CHD6: variants seen among roughly 807,000 people sequenced by gnomAD.
CHD6 encodes the protein chromodomain helicase DNA binding protein 6, also known as ATP-dependent chromatin remodeler CHD6.
CHD6 carries 50 observed loss-of-function variants against 276.9 expected under a neutral mutation model. The observed-to-expected ratio is 0.18, with a 90% CI of 0.14 to 0.23. CHD6 has a LOEUF of 0.23. CHD6 is among the 10% of genes least tolerant of loss of function. CHD6 has a pLI of 1.00. For missense variants in CHD6, 2,564 were observed against 3,365.8 expected (o/e 0.76, Z 5.89); for synonymous variants, 1,173 against 1,229.3 (o/e 0.95, Z 0.96).
intron 34 of CHD6, 43 bp downstream of exon 34, chr20:41,415,143 G>A (rs1326559719): frequency 5.8e-6 from 9 of 1,558,936 alleles, no homozygotes; most frequent in African/African-American, 1.4e-5. Flanking sequence ...GTTTCTCAGT[G>A]TAGAAAGGTA....
intron 1 of CHD6, among the ~76,000 whole-genome samples, chr20:41,554,884 T>C (rs975570263): frequency 3.3e-5 from 5 of 152,204 alleles, no homozygotes; most frequent in Non-Finnish European, 7.3e-5. Context: ...CTGTTCTCAA[T>C]GAGCTGTTGG....
intron 27 of CHD6, among the ~76,000 whole-genome samples, chr20:41,431,564 G>C (rs2047538311): frequency 6.6e-6 from 1 of 152,060 alleles, no homozygotes; most frequent in South Asian, 2.1e-4. Flanking sequence ...CCCAGGTAGG[G>C]TTTCAGTCTA....
chr20:41,467,302 T>C (rs1373616886), intron 17 of CHD6, among the ~76,000 whole-genome samples: 1 of 150,502 alleles, frequency 6.6e-6, no homozygotes, highest in East Asian at 2.0e-4. Context: ...AAAAAAAACA[T>C]GAGATAGAGA....
At chr20:41,515,874 A>G (rs989964285) in intron 3 of CHD6, among the ~76,000 whole-genome samples, 1 of 152,226 alleles carries the variant, frequency 6.6e-6, no homozygotes, top group African/African-American at 2.4e-5. Context: ...ATGCATAGTA[A>G]GTATTCAATT....
intron 1 of CHD6, among the ~76,000 whole-genome samples, chr20:41,610,144 T>C (rs903589487): frequency 1.3e-5 from 2 of 152,148 alleles, no homozygotes; most frequent in Non-Finnish European, 2.9e-5. Flanking sequence ...GCATAAGCCA[T>C]TGGTGCCCGG....
At chr20:41,595,446 A>C (rs976110592) in intron 1 of CHD6, among the ~76,000 whole-genome samples, 7 of 152,122 alleles carry the variant, frequency 4.6e-5, no homozygotes, top group Non-Finnish European at 5.9e-5. Flanking sequence ...AATTCCCATG[A>C]GGGAAGCGGC....
Position 41,498,811 on chromosome 20 carries a change from A to ATGTATG in CHD6, c.915+483_915+484insCATACA, listed in dbSNP as rs1555796111. Among the ~76,000 whole-genome samples the ATGTATG allele has an allele frequency of 7.3e-3, 631 of 86,578 alleles. 3 individuals are homozygous for ATGTATG. Among genetic ancestry groups the ATGTATG allele is most frequent in the South Asian group, 0.026 (72 of 2,812 alleles). The allele number at this position is 86,578 out of a possible 152,430, so 56.8% of individuals were successfully genotyped here. On this transcript the variant is annotated intron_variant, in intron 6 of 36. Coordinates refer to ENST00000373233, the MANE Select transcript of CHD6 (RefSeq NM_032221.5). ...TATGTATGTATGTATGTATGTATGT[A>ATGTATG]TGTGTGTGTGTGTGTGTGTGTGTGT...
rs1259765025 is a variant in CHD6, at chr20:41,447,863, T to C, written c.3773+19A>G. On this transcript the variant is annotated intron_variant, in intron 24 of 36. Coordinates refer to ENST00000373233, the MANE Select transcript of CHD6 (RefSeq NM_032221.5). ...TGTCAATTCTTTAACGTTGATATGTTAAGTTTCATTTGCTTTACCTGGCAG... is the reference window on the plus strand; with the variant it reads ...TGTCAATTCTTTAACGTTGATATGTCAAGTTTCATTTGCTTTACCTGGCAG... 1.3e-6 allele frequency: 2 copies of C among 1,560,776 alleles called. No homozygotes were observed. Among genetic ancestry groups the C allele is most frequent in the Non-Finnish European group, 8.8e-7 (1 of 1,136,526 alleles).
intron 1 of CHD6, among the ~76,000 whole-genome samples, chr20:41,584,276 C>T (rs1053603066): frequency 2.6e-5 from 4 of 151,978 alleles, no homozygotes; most frequent in African/African-American, 9.7e-5. Flanking sequence ...GTTAATTCAT[C>T]GAAAAGATAT....
chr20:41,502,151 T>C (rs1488211105), intron 5 of CHD6, among the ~76,000 whole-genome samples: 1 of 152,202 alleles, frequency 6.6e-6, no homozygotes, highest in Non-Finnish European at 1.5e-5. Context: ...TTTTCTTTTA[T>C]GAATAGTATT....
At chr20:41,471,541 T>A (rs1600944746) in intron 17 of CHD6, among the ~76,000 whole-genome samples, 1 of 48,244 alleles carries the variant, frequency 2.1e-5, no homozygotes, top group Admixed American at 2.1e-4. Flanking sequence ...ATATTTTCAG[T>A]TTTTTTTTTT....
At chr20:41,542,234 A>G (rs2866743) in intron 2 of CHD6, among the ~76,000 whole-genome samples, 13,495 of 152,258 alleles carry the variant, frequency 0.089, 1,030 homozygotes, top group East Asian at 0.32. Flanking sequence ...GATGCTGAAC[A>G]GAATCTAGTG....
At chr20:41,449,248 TTAAAAA>T (rs1236734795) in intron 23 of CHD6, among the ~76,000 whole-genome samples, 2 of 152,192 alleles carry the variant, frequency 1.3e-5, no homozygotes, top group Non-Finnish European at 2.9e-5. Context: ...ATAAGAACTC[TTAAAAA>T]TTTACAACCA....
At chr20:41,534,176 G>A (rs1258778654) in intron 2 of CHD6, among the ~76,000 whole-genome samples, 1 of 152,194 alleles carries the variant, frequency 6.6e-6, no homozygotes, top group Non-Finnish European at 1.5e-5. Context: ...AACAATGTGG[G>A]TGTTAGTTTC....
rs200549678 is a variant in CHD6, at chr20:41,504,403, CTTTTTT to C, written c.853-5052_853-5047del. Among the ~76,000 whole-genome samples the C allele has an allele frequency of 5.4e-3, 598 of 109,936 alleles. 2 individuals are homozygous for C. The highest frequency in any genetic ancestry group is 8.3e-3 in the Non-Finnish European group (449 of 54,308). The allele number at this position is 109,936 out of a possible 152,430, so 72.1% of individuals were successfully genotyped here. A position where few individuals can be genotyped will look rare whatever the true frequency, so the allele number is the denominator to read the frequency against. ...TCTTGTCCATCTTTTCCTCTATTTT[CTTTTTT>C]TTTTTTTTTTTTTTTTTAGACAGGA... On this transcript the variant is annotated intron_variant, in intron 5 of 36. Transcript: ENST00000373233.
rs75917656 is a variant in CHD6, at chr20:41,516,168, AT to A, written c.555-1217del. Among the ~76,000 whole-genome samples, 1,451 of 148,098 alleles carry A rather than the reference AT, an allele frequency of 9.8e-3. 13 individuals are homozygous for A. Among genetic ancestry groups the A allele is most frequent in the Middle Eastern group, 0.028 (8 of 286 alleles). On this transcript the variant is annotated intron_variant, in intron 3 of 36. Transcript: ENST00000373233. ...CAACAGCCCTGTAAAGCAGATGGTA[AT>A]TTTTTTTTTTTTTAGACGGAGTCTC...
chr20:41,494,476 C>T (rs893160514), intron 8 of CHD6, among the ~76,000 whole-genome samples: 1 of 152,146 alleles, frequency 6.6e-6, no homozygotes, highest in South Asian at 2.1e-4. Flanking sequence ...TACAAAACAA[C>T]AAGAAGCAAC....
At chr20:41,407,472 G>A (rs1264002373) in intron 36 of CHD6, among the ~76,000 whole-genome samples, 1 of 152,252 alleles carries the variant, frequency 6.6e-6, no homozygotes, top group Non-Finnish European at 1.5e-5. Flanking sequence ...CACCAGGCCT[G>A]AGGGCAGTTA....
intron 14 of CHD6, among the ~76,000 whole-genome samples, chr20:41,486,533 G>A (rs995638014): frequency 6.6e-6 from 1 of 152,166 alleles, no homozygotes; most frequent in African/African-American, 2.4e-5. Context: ...GGAAGAAAGA[G>A]ATTGGAACCC....
Sources: gnomAD v4.1 joint callset for allele counts (sites outside exome capture counted in the v4.1 genomes callset) on GRCh38, gnomAD v4.1.1 for gene constraint, MANE v1.5 for transcripts, NCBI Gene and HGNC (gene_info 2026-07-23, HGNC 2026-07-21) for gene names.